Variants in NBPF11 observed in about 807,000 individuals in gnomAD.
NBPF11 encodes the protein NBPF family member NBPF11.
In NBPF11, 72 loss-of-function variants were observed where a neutral mutation model predicts 93.9. That is an observed-to-expected ratio of 0.77 (90% CI 0.63 to 0.93). NBPF11 has a LOEUF of 0.93. Among genes scored for constraint, NBPF11 ranks in the 40% least tolerant of loss-of-function variants. The probability of loss-of-function intolerance (pLI) is 0.00; values close to 1 mark genes in which losing one functional copy is unlikely to be tolerated. For synonymous variants in NBPF11, 224 were observed against 304.9 expected, an observed-to-expected ratio of 0.73 and a Z score of 2.76; for missense variants, 705 against 802.2, an observed-to-expected ratio of 0.88 and a Z score of 1.46.
At chr1:148,105,791 A>AGAGAC (rs1663450925) in intron 21 of NBPF11, among the ~76,000 whole-genome samples, 1 of 105,298 alleles carries the variant, frequency 9.5e-6, no homozygotes, top group Non-Finnish European at 1.8e-5. Context: ...GAGAGAGAGA[A>AGAGAC]AACGAGCTCA....
At chr1:148,127,737 G>C (rs1181729882) in intron 4 of NBPF11, among the ~76,000 whole-genome samples, 2 of 143,974 alleles carry the variant, frequency 1.4e-5, no homozygotes, top group African/African-American at 2.6e-5. Context: ...CTGCCTCCCA[G>C]GTTCACGCTA....
At chr1:148,108,773 A>T in intron 17 of NBPF11, 119 bp from the exon 18 acceptor site, 7 of 712,998 alleles carry the variant, frequency 9.8e-6, no homozygotes, top group Non-Finnish European at 1.8e-5. Context: ...AGATCCATTA[A>T]TGAGGTAACA....
chr1:148,121,808 AT>A (rs1386229425), intron 9 of NBPF11, among the ~76,000 whole-genome samples: 2 of 151,898 alleles, frequency 1.3e-5, no homozygotes, highest in African/African-American at 2.4e-5. Flanking sequence ...TGCCTGCCTA[AT>A]TTTTTGTATT....
rs1296911626 is a variant in NBPF11, at chr1:148,120,642, T to C, written c.847A>G (p.Lys283Glu). The part of the protein sequence containing the change: ...VVSAGPLSSE[K>E]AEMNILEINE... ...ATTTCTAGAATGTTCATCTCTGCCT[T>C]CTCGCTGGACAAAGGGCCGGCTGAT... Residue 283 changes from lysine to glutamate, a missense_variant, in exon 10 of 24, where the codon AAG becomes GAG. Lys to Glu is a moderately conservative substitution (Grantham distance 56). Around this residue, in one of 12 missense-constraint regions of NBPF11, gnomAD observed 262 missense variants for 223.1 expected, o/e 1.17. Transcript: ENST00000682118. The C allele has an allele frequency of 8.4e-6, 13 of 1,546,676 alleles. No homozygotes were observed. The highest frequency in any genetic ancestry group is 1.4e-5 in the African/African-American group (1 of 73,218).
chr1:148,121,367 A>ATTTTTTTT, intron 9 of NBPF11, among the ~76,000 whole-genome samples: 1 of 97,316 alleles, frequency 1.0e-5, no homozygotes, highest in African/African-American at 4.2e-5. Context: ...TTTTTTTTTG[A>ATTTTTTTT]GATGCAGTCT....
At chr1:148,136,686 T>A (rs1474376967) in intron 3 of NBPF11, among the ~76,000 whole-genome samples, 13,225 of 151,924 alleles carry the variant, frequency 0.087, 745 homozygotes, top group Middle Eastern at 0.17. Context: ...GACTTCTTTA[T>A]CCCCTCCATG....
chr1:148,151,889 C>G lies in NBPF11; in HGVS notation c.-688G>C, dbSNP rs1432590834. ...CAAAATCACCAGGCTCACTCAGAAGCTCAGGCAGCCTCGCGACCCTCACCT... is the reference window on the plus strand; with the variant it reads ...CAAAATCACCAGGCTCACTCAGAAGGTCAGGCAGCCTCGCGACCCTCACCT... On this transcript the variant is annotated 5_prime_UTR_variant, in exon 1 of 24. Coordinates refer to ENST00000682118, the MANE Select transcript of NBPF11 (RefSeq NM_001385469.3). The G allele has an allele frequency of 6.5e-6, 1 of 152,762 alleles. No homozygotes were observed. The highest frequency in any genetic ancestry group is 1.9e-4 in the East Asian group (1 of 5,194). The allele number at this position is 152,762 out of a possible 1,614,324, so 9.5% of individuals were successfully genotyped here. A position where few individuals can be genotyped will look rare whatever the true frequency, so the allele number is the denominator to read the frequency against.
In NBPF11 at chr1:148,149,313, A is replaced by G. The variant is rs1381488546; in HGVS notation, c.-549+2437T>C. On this transcript the variant is annotated intron_variant, in intron 1 of 23. Transcript: ENST00000682118. ...CGCGTCGCCTTCCGCGACACCAAGA[A>G]GACCTACTGCTTCGACGCCTTCCCT... 21 of 1,596,984 alleles carry G rather than the reference A, an allele frequency of 1.3e-5. No individual in the cohort carries two copies. The African/African-American group carries it at 2.0e-4, about 15-fold the overall frequency.
chr1:148,130,991 T>C (rs1401927096), intron 4 of NBPF11, among the ~76,000 whole-genome samples: 1 of 151,860 alleles, frequency 6.6e-6, no homozygotes, highest in Admixed American at 6.6e-5. Context: ...GGCTATACCA[T>C]GTATGTTTGT....
At chr1:148,141,236 G>A (rs1189940069) in intron 2 of NBPF11, among the ~76,000 whole-genome samples, 42 of 151,920 alleles carry the variant, frequency 2.8e-4, no homozygotes, top group South Asian at 1.0e-3. Flanking sequence ...AGGACATTAC[G>A]TAATTGCCAA....
intron 4 of NBPF11, among the ~76,000 whole-genome samples, chr1:148,132,355 A>AT (rs200395353): frequency 3.9e-4 from 54 of 139,266 alleles, no homozygotes; most frequent in Non-Finnish European, 5.3e-4. Flanking sequence ...TATATATTCT[A>AT]TTTTTTTTTT....
chr1:148,109,472 A>G lies in NBPF11; in HGVS notation c.1802-137T>C, dbSNP rs1664731270. 3 of 736,692 alleles carry G rather than the reference A, an allele frequency of 4.1e-6. No homozygotes were observed. The South Asian group carries it at 4.3e-5, about 11-fold the overall frequency. 45.6% of individuals were successfully genotyped at this position (736,692 alleles called of 1,614,324 possible). ...CAGGAGACTTTGAGAGAAATATTCC[A>G]GTAGGCCTGAGGTCAAGTCTTGAGA... On this transcript the variant is annotated intron_variant, in intron 16 of 23. Transcript: ENST00000682118.
intron 4 of NBPF11, 140 bp from the exon 5 acceptor site, chr1:148,127,178 G>A: frequency 2.9e-6 from 1 of 348,926 alleles, no homozygotes; most frequent in Non-Finnish European, 4.8e-6. Flanking sequence ...CAGCACTTTA[G>A]GATCCTTCAC....
chr1:148,141,604 A>G (rs1310955156), intron 2 of NBPF11, among the ~76,000 whole-genome samples: 6 of 152,032 alleles, frequency 3.9e-5, no homozygotes, highest in East Asian at 1.9e-4. Context: ...TTCAATGCCT[A>G]TGCCATTTAC....
In NBPF11 at chr1:148,126,915, T is replaced by A. The variant is rs1669257747; in HGVS notation, c.89A>T (p.Glu30Val). 2.3e-6 allele frequency: 3 copies of A among 1,289,938 alleles called. No individual in the cohort carries two copies. The East Asian group carries it at 7.0e-5, about 30-fold the overall frequency. The allele number at this position is 1,289,938 out of a possible 1,614,324, so 79.9% of individuals were successfully genotyped here. A position where few individuals can be genotyped will look rare whatever the true frequency, so the allele number is the denominator to read the frequency against. ...GAGGTTTCTGAACTGCTGTTTGTTC[T>A]CTGCCAACTGGGGGCGCAATTTCTC... ...INEKLRPQLA[E>V]NKQQFRNLKE... Residue 30 changes from glutamate (E) to valine (V), a missense_variant, in exon 5 of 24, where the codon GAG (glutamate) becomes GTG (valine). Physicochemically the swap from Glu to Val is moderately radical, Grantham distance 121. Coordinates refer to ENST00000682118, the MANE Select transcript of NBPF11 (RefSeq NM_001385469.3).
intron 1 of NBPF11, among the ~76,000 whole-genome samples, chr1:148,144,592 T>A (rs1240162320): frequency 6.6e-6 from 1 of 151,702 alleles, no homozygotes; most frequent in Non-Finnish European, 1.5e-5. Context: ...CAAAAAAAAA[T>A]AATAACAATA....
chr1:148,148,555 G>A (rs1647340283), intron 1 of NBPF11, among the ~76,000 whole-genome samples: 1 of 152,030 alleles, frequency 6.6e-6, no homozygotes, highest in African/African-American at 2.4e-5. Context: ...GGTGCTGGTG[G>A]GAGGGGGTGC....
chr1:148,121,590 C>G (rs1294738533), intron 9 of NBPF11, among the ~76,000 whole-genome samples: 1 of 151,536 alleles, frequency 6.6e-6, no homozygotes, highest in African/African-American at 2.4e-5. Flanking sequence ...CTCCTGACCT[C>G]GTGATCCACC....
intron 12 of NBPF11, among the ~76,000 whole-genome samples, chr1:148,116,780 T>C (rs2149214355): frequency 6.6e-6 from 1 of 152,144 alleles, no homozygotes; most frequent in Middle Eastern, 3.4e-3. Context: ...GCTTCCCATA[T>C]CACTGGAGGC....
Sources: gnomAD v4.1 joint callset for allele counts (sites outside exome capture counted in the v4.1 genomes callset) on GRCh38, gnomAD v4.1.1 for gene constraint, gnomAD v4.1.1 regional missense constraint, MANE v1.5 for transcripts, NCBI Gene and HGNC (gene_info 2026-07-23, HGNC 2026-07-21) for gene names.